ALPK1: variants seen among roughly 807,000 people sequenced by gnomAD.
The protein encoded by ALPK1 is alpha kinase 1, also known as alpha-protein kinase 1.
A neutral mutation model predicts 120.6 loss-of-function variants in ALPK1; 110 were observed. The ratio of observed to expected loss-of-function variants is 0.91; its 90% CI spans 0.78 to 1.07. The LOEUF (loss-of-function observed/expected upper bound fraction) is 1.07, where lower values mean the gene tolerates loss of function less well. ALPK1 is among the 50% of genes least tolerant of loss of function. The pLI, the probability that ALPK1 is intolerant of heterozygous loss-of-function variation, is 0.00. For synonymous variants in ALPK1, 582 were observed against 560.3 expected (o/e 1.04, Z -0.55); for missense variants, 1,498 against 1,483.9 (o/e 1.01, Z -0.16).
At chr4:112,302,067 C>G (rs548287874) in intron 1 of ALPK1, among the ~76,000 whole-genome samples, 6 of 152,276 alleles carry the variant, frequency 3.9e-5, no homozygotes, top group African/African-American at 1.2e-4. Context: ...AAATTTTATA[C>G]TTCAGTATCC....
chr4:112,425,185 G>T (rs577207562), intron 6 of ALPK1: 105 of 154,632 alleles, frequency 6.8e-4, no homozygotes, highest in Non-Finnish European at 1.2e-3. Flanking sequence ...GCAGTCATCA[G>T]TTTTGACATC....
intron 4 of ALPK1, among the ~76,000 whole-genome samples, chr4:112,396,427 T>C (rs2351458): frequency 0.43 from 65,744 of 151,954 alleles, 14,784 homozygotes; most frequent in African/African-American, 0.58. Context: ...ACAGCTCGTA[T>C]AGCAAAAACA....
At chr4:112,404,315 T>C (rs758671667) in intron 4 of ALPK1, among the ~76,000 whole-genome samples, 7 of 152,220 alleles carry the variant, frequency 4.6e-5, no homozygotes, top group Non-Finnish European at 1.0e-4. Context: ...GGCTGACTTC[T>C]TTCCATTTTT....
chr4:112,321,357 T>C (rs1728861285), intron 2 of ALPK1, among the ~76,000 whole-genome samples: 1 of 152,228 alleles, frequency 6.6e-6, no homozygotes, highest in African/African-American at 2.4e-5. Context: ...AGTTCTGCTC[T>C]GATCTTTGTT....
intron 2 of ALPK1, among the ~76,000 whole-genome samples, chr4:112,317,885 C>T (rs1428690598): frequency 6.6e-6 from 1 of 152,060 alleles, no homozygotes; most frequent in Non-Finnish European, 1.5e-5. Context: ...ATTATCCAAG[C>T]ACTTCACAAA....
chr4:112,325,612 G>A (rs540300824), intron 2 of ALPK1, among the ~76,000 whole-genome samples: 10 of 152,090 alleles, frequency 6.6e-5, no homozygotes, highest in Non-Finnish European at 8.8e-5. Context: ...TAAAACTTAC[G>A]GGGCAATCGT....
chr4:112,427,959 A>T, intron 9 of ALPK1: 1 of 232,930 alleles, frequency 4.3e-6, no homozygotes, highest in Non-Finnish European at 8.4e-6. Context: ...TTCAAAGTAT[A>T]ACAAAATGCA....
rs558729599 is a variant in ALPK1, at chr4:112,411,617, G to C, written c.277-210G>C. ...TTCTATAATTTTATAAATGTAATGG[G>C]GGAAATTGAATGAAGGAAATACTAT... On this transcript the variant is annotated intron_variant, in intron 4 of 15. Coordinates refer to ENST00000650871, the MANE Select transcript of ALPK1 (RefSeq NM_025144.4). The C allele has an allele frequency of 1.1e-4, 66 of 593,914 alleles. No individual in the cohort carries two copies. In the South Asian group the frequency reaches 1.3e-3, roughly 12 times the overall value. The allele number at this position is 593,914 out of a possible 1,614,324, so 36.8% of individuals were successfully genotyped here. A position where few individuals can be genotyped will look rare whatever the true frequency, so the allele number is the denominator to read the frequency against.
intron 2 of ALPK1, among the ~76,000 whole-genome samples, chr4:112,330,766 C>A (rs1197099779): frequency 2.6e-5 from 4 of 152,174 alleles, no homozygotes; most frequent in African/African-American, 9.7e-5. Flanking sequence ...AGGCCAGCTG[C>A]TCCAGGGTTA....
rs369609246 is a variant in ALPK1 at position 112,382,489 on chromosome 4, C to T, written c.213C>T (p.Ala71=). The T allele has an allele frequency of 7.4e-6, 12 of 1,614,058 alleles. No homozygotes were observed. The Admixed American group carries it at 8.3e-5, about 11-fold the overall frequency. Residue 71 remains alanine, a synonymous_variant, in exon 4 of 16, where the codon GCC becomes GCT. Transcript: ENST00000650871. ...CTGAAAAGTGGCAGTACAAACAAGC[C>T]GTGGGCCCAGAGGACAAAACAAACC... ...FVPEKWQYKQ[A]VGPEDKTNLK...
At chr4:112,382,281 G>A in intron 3 of ALPK1, 117 bp from the exon 4 acceptor site, 2 of 1,189,690 alleles carry the variant, frequency 1.7e-6, no homozygotes, top group South Asian at 3.2e-5. Flanking sequence ...CAGGGAAAAG[G>A]TTTTTCTCTT....
chr4:112,352,882 T>C (rs1214582107), intron 2 of ALPK1: 2 of 151,980 alleles, frequency 1.3e-5, no homozygotes, highest in African/African-American at 4.8e-5. Flanking sequence ...TCAATTTCCT[T>C]CCTTCCTTCC....
rs374151334 is a variant in ALPK1 at position 112,355,716 on chromosome 4, TG to T, written c.-100-21961del. 7.5e-4 allele frequency among the ~76,000 whole-genome samples: 114 copies of T among 152,330 alleles called. 1 individual carries two copies. The highest frequency in any genetic ancestry group is 2.5e-3 in the African/African-American group (105 of 41,576). The stretch of plus-strand genomic sequence containing the variant: ...GCTGGACACAGAACGCTCAAAGGGC[TG>T]CATAGACCTCTAGGGCCCAAAGAGC... On this transcript the variant is annotated intron_variant, in intron 2 of 15. Transcript: ENST00000650871.
At chr4:112,328,739 A>G (rs760985310) in intron 2 of ALPK1, among the ~76,000 whole-genome samples, 13 of 152,208 alleles carry the variant, frequency 8.5e-5, no homozygotes, top group Non-Finnish European at 1.6e-4. Context: ...CCGGGTCACA[A>G]TTGCATATAT....
chr4:112,328,003 T>C (rs1380042115), intron 2 of ALPK1, among the ~76,000 whole-genome samples: 1 of 152,228 alleles, frequency 6.6e-6, no homozygotes, highest in African/African-American at 2.4e-5. Flanking sequence ...AATTCTCATA[T>C]ACAATCTTCT....
intron 2 of ALPK1, among the ~76,000 whole-genome samples, chr4:112,317,877 T>G (rs1300016945): frequency 1.3e-5 from 2 of 152,182 alleles, no homozygotes; most frequent in Non-Finnish European, 2.9e-5. Flanking sequence ...TGTTACTTAT[T>G]ATCCAAGCAC....
At position 112,430,714 on chromosome 4, in the gene ALPK1, G is replaced by A; in HGVS notation, c.1167G>A (p.Leu389=). 1 of 1,614,230 alleles carries A rather than the reference G, an allele frequency of 6.2e-7. No individual in the cohort carries two copies. Among genetic ancestry groups the A allele is most frequent in the Non-Finnish European group, 8.5e-7 (1 of 1,180,038 alleles). ...SQLCKEAMGK[L]YNFSTSSRSQ... is the part of the protein sequence containing the mutation. ...TCTGTAAGGAAGCAATGGGGAAGCT[G>A]TACAATTTCAGCACTTCCTCCAGAA... The change falls in exon 11 of 16, where the codon CTG becomes CTA. Residue 389 remains leucine, a synonymous_variant. Coordinates refer to ENST00000650871, the MANE Select transcript of ALPK1 (RefSeq NM_025144.4).
intron 2 of ALPK1, among the ~76,000 whole-genome samples, chr4:112,354,134 A>G (rs1402103374): frequency 6.6e-6 from 1 of 152,154 alleles, no homozygotes; most frequent in Admixed American, 6.6e-5. Flanking sequence ...AGCTACAAAT[A>G]CTGTCTCCCA....
At chr4:112,344,533 C>T (rs2148707749) in intron 2 of ALPK1, among the ~76,000 whole-genome samples, 1 of 152,274 alleles carries the variant, frequency 6.6e-6, no homozygotes, top group South Asian at 2.1e-4. Flanking sequence ...ATAGAATTAT[C>T]TTATTGGAAG....
Sources: allele counts gnomAD v4.1 joint callset (sites outside exome capture counted in the v4.1 genomes callset), GRCh38; gene constraint gnomAD v4.1.1; transcripts MANE v1.5; gene names NCBI Gene and HGNC (gene_info 2026-07-23, HGNC 2026-07-21).